Variants in COG4 observed in about 807,000 individuals in gnomAD.
COG4 encodes the protein conserved oligomeric Golgi complex subunit 4.
COG4 carries 65 observed loss-of-function variants against 95.1 expected under a neutral mutation model. The ratio of observed to expected loss-of-function variants is 0.68; its 90% CI spans 0.56 to 0.84. The LOEUF is 0.84. Among genes scored for constraint, COG4 ranks in the 40% least tolerant of loss-of-function variants. The pLI is 0.00. For synonymous variants in COG4, 421 were observed against 374.8 expected (o/e 1.12, Z -1.42); for missense variants, 1,045 against 989.1 (o/e 1.06, Z -0.76).
Position 70,496,353 on chromosome 16 carries a change from G to T in COG4, c.1560C>A (p.Ala520=), listed in dbSNP as rs115668774. 9 of 1,614,076 alleles carry T rather than the reference G, an allele frequency of 5.6e-6. 1 individual carries two copies. In the South Asian group the frequency reaches 7.7e-5, roughly 14 times the overall value. ...GGAGGCTGCTGTGCATGATGTTCAC[G>T]GCACTTGTCACCCCGCGCTGGATGT... The part of the protein sequence containing the change: ...FQDIQRGVTS[A]VNIMHSSLQQ... Residue 520 remains alanine, a synonymous_variant, in exon 12 of 19, where the codon GCC becomes GCA. Coordinates refer to ENST00000323786, the MANE Select transcript of COG4 (RefSeq NM_015386.3).
chr16:70,518,272 A>G (rs1439766647), intron 2 of COG4, among the ~76,000 whole-genome samples: 1 of 152,232 alleles, frequency 6.6e-6, no homozygotes, highest in African/African-American at 2.4e-5. Context: ...GTACAGTCAA[A>G]GAACTAGAGA....
chr16:70,509,385 A>G lies in COG4; in HGVS notation c.848T>C (p.Ile283Thr), dbSNP rs2049651066. The G allele has an allele frequency of 1.9e-6, 3 of 1,614,194 alleles. No homozygotes were observed. The highest frequency in any genetic ancestry group is 1.1e-5 in the South Asian group (1 of 91,080). ...ADTLTLLFEG[I>T]ARIVETHQPI... ...CTGGTGGGTCTCCACAATGCGGGCA[A>G]TCCCTAGAAGGGAGGAAGCAATAGG... Residue 283 changes from isoleucine to threonine, a missense_variant, in exon 7 of 19, where the codon ATT becomes ACT. By Grantham distance (89) the Ile-to-Thr change is moderately conservative. Coordinates refer to ENST00000323786, the MANE Select transcript of COG4 (RefSeq NM_015386.3).
chr16:70,484,078 C>A, intron 13 of COG4, 109 bp from the exon 14 acceptor site: 1 of 841,460 alleles, frequency 1.2e-6, no homozygotes. Flanking sequence ...GTCAAGAGCC[C>A]GGATGGGTTT....
At chr16:70,511,660 T>C (rs2049709494) in intron 5 of COG4, among the ~76,000 whole-genome samples, 1 of 150,894 alleles carries the variant, frequency 6.6e-6, no homozygotes, top group African/African-American at 2.4e-5. Flanking sequence ...AGACTGGGCG[T>C]GGTGGCTCAC....
chr16:70,483,206 A>G (rs188565788), intron 14 of COG4, among the ~76,000 whole-genome samples: 103 of 2,742 alleles, frequency 0.038, 6 homozygotes, highest in Non-Finnish European at 0.045. Context: ...CATCCCTCTC[A>G]TCTCCCCACC....
At chr16:70,500,480 C>A (rs1046368397) in intron 9 of COG4, among the ~76,000 whole-genome samples, 1 of 150,320 alleles carries the variant, frequency 6.7e-6, no homozygotes, top group Non-Finnish European at 1.5e-5. Flanking sequence ...CCCGTCTCAA[C>A]CTCCCGAGTA....
chr16:70,484,004 C>T (rs768008167), intron 13 of COG4, 35 bp from the exon 14 acceptor site: 12 of 1,486,006 alleles, frequency 8.1e-6, no homozygotes, highest in Non-Finnish European at 1.0e-5. Context: ...CCACCGAGCA[C>T]GCGTGGGCCA....
intron 7 of COG4, chr16:70,508,779 G>A (rs774111259): frequency 2.7e-5 from 16 of 583,680 alleles, no homozygotes; most frequent in Non-Finnish European, 4.8e-5. Flanking sequence ...CTATTTCTAT[G>A]TCGTACTTTT....
At chr16:70,504,765 C>A (rs1459627410) in intron 8 of COG4, among the ~76,000 whole-genome samples, 1 of 151,616 alleles carries the variant, frequency 6.6e-6, no homozygotes, top group Non-Finnish European at 1.5e-5. Context: ...CAAAAATTTG[C>A]CAGGCACACT....
intron 13 of COG4, among the ~76,000 whole-genome samples, chr16:70,486,748 G>A (rs1278646448): frequency 1.3e-5 from 2 of 152,218 alleles, no homozygotes; most frequent in South Asian, 2.1e-4. Flanking sequence ...TGTAATCCCA[G>A]CACTTTGGGA....
intron 9 of COG4, 149 bp downstream of exon 9, chr16:70,500,809 G>A (rs1385152728): frequency 3.3e-6 from 3 of 897,560 alleles, no homozygotes; most frequent in Non-Finnish European, 5.3e-6. Flanking sequence ...AGTAAATTTA[G>A]ATTTCTTCCT....
At chr16:70,481,630 G>T in intron 17 of COG4, 134 bp downstream of exon 17, 1 of 1,401,260 alleles carries the variant, frequency 7.1e-7, no homozygotes, top group Non-Finnish European at 1.0e-6. Context: ...TCAGAAGCCA[G>T]AGCAGGACTG....
chr16:70,489,889 C>T (rs1012915021), intron 13 of COG4, among the ~76,000 whole-genome samples: 2 of 152,218 alleles, frequency 1.3e-5, no homozygotes, highest in African/African-American at 2.4e-5. Context: ...ACGATCTCAG[C>T]TCACTGCAAC....
chr16:70,500,298 T>G (rs964298929), intron 9 of COG4, among the ~76,000 whole-genome samples: 1 of 151,548 alleles, frequency 6.6e-6, no homozygotes, highest in African/African-American at 2.4e-5. Flanking sequence ...AATTATTCCT[T>G]GAAAAATTGT....
chr16:70,481,812 A>G lies in COG4; in HGVS notation c.2058T>C (p.Leu686=). The G allele has an allele frequency of 6.2e-7, 1 of 1,614,096 alleles. No homozygotes were observed. Among genetic ancestry groups the G allele is most frequent in the Non-Finnish European group, 8.5e-7 (1 of 1,180,012 alleles). ...CCACTTTCTCCAACTCGACGGCAAC[A>G]AGGCTAGTCATGAGGCCGGTTAGGC... ...YDSLTGLMTS[L]VAVELEKVVL... The change falls in exon 17 of 19, where the codon CTT becomes CTC. Residue 686 remains leucine, a synonymous_variant. Transcript: ENST00000323786.
intron 8 of COG4, among the ~76,000 whole-genome samples, chr16:70,506,593 C>CAAAAAAAAAAAAAAAAAA (rs1237710539): frequency 6.8e-5 from 1 of 14,702 alleles, no homozygotes; most frequent in Non-Finnish European, 1.2e-4. Context: ...GAGACTGCCT[C>CAAAAAAAAAAAAAAAAAA]AAAAAAAAAA....
In COG4 at chr16:70,501,003, C is replaced by G; in HGVS notation, c.1150G>C (p.Asp384His). Reference sequence around the variant, plus strand: ...GCCATGGAGTCTCCCACCTCAAAATCAGAGCTAATCCTCTTCTTGAGGAAG... The same window carrying G: ...GCCATGGAGTCTCCCACCTCAAAATGAGAGCTAATCCTCTTCTTGAGGAAG... The part of the protein sequence containing the change: ...LRFLKKRISS[D>H]FEVGDSMASE... Residue 384 changes from aspartate (D) to histidine (H), a missense_variant, in exon 9 of 19, where the codon GAT (aspartate) becomes CAT (histidine). By Grantham distance (81) the Asp-to-His change is moderately conservative. Transcript: ENST00000323786. 1.2e-6 allele frequency: 2 copies of G among 1,614,126 alleles called. No homozygotes were observed. Among genetic ancestry groups the G allele is most frequent in the Non-Finnish European group, 1.7e-6 (2 of 1,180,036 alleles).
At chr16:70,503,633 C>A (rs1423363648) in intron 8 of COG4, among the ~76,000 whole-genome samples, 3 of 119,424 alleles carry the variant, frequency 2.5e-5, no homozygotes, top group South Asian at 4.3e-4. Context: ...CTCACTCTGT[C>A]GCCCAGGCTG....
chr16:70,523,335 T>C (rs2049994429), intron 1 of COG4, 38 bp downstream of exon 1: 2 of 1,613,094 alleles, frequency 1.2e-6, no homozygotes, highest in Admixed American at 1.7e-5. Flanking sequence ...CCACTCTCCC[T>C]AGATCCTCCA....
Sources: gnomAD v4.1 joint callset for allele counts (sites outside exome capture counted in the v4.1 genomes callset) on GRCh38, gnomAD v4.1.1 for gene constraint, MANE v1.5 for transcripts, NCBI Gene and HGNC (gene_info 2026-07-23, HGNC 2026-07-21) for gene names.